The following CYFIP2 variants were observed in gnomAD, a reference collection of about 807,000 sequenced individuals.
The protein encoded by CYFIP2 is cytoplasmic FMR1 interacting protein 2, also known as cytoplasmic FMR1-interacting protein 2.
CYFIP2 carries 29 observed loss-of-function variants against 158.7 expected under a neutral mutation model. That is an observed-to-expected ratio of 0.18 (90% CI 0.14 to 0.25). CYFIP2 has a LOEUF of 0.25. CYFIP2 is among the 10% of genes least tolerant of loss of function. CYFIP2 has a pLI of 1.00. For synonymous variants in CYFIP2, 585 were observed against 617.6 expected (o/e 0.95, Z 0.78); for missense variants, 852 against 1,639.5 (o/e 0.52, Z 8.29).
intron 15 of CYFIP2, chr5:157,322,852 T>TTCTCTCTCTC (rs143886830): frequency 8.0e-6 from 10 of 1,248,738 alleles, no homozygotes; most frequent in Non-Finnish European, 1.0e-5. Context: ...CCTCTTGCTT[T>TTCTCTCTCTC]TCTCTCTCTC....
rs1399075744 is a variant in CYFIP2, at chr5:157,390,531, G to A, written c.3457G>A (p.Gly1153Ser). 1.9e-6 allele frequency: 3 copies of A among 1,549,672 alleles called. No homozygotes were observed. The highest frequency in any genetic ancestry group is 2.6e-6 in the Non-Finnish European group (3 of 1,146,728). The change falls in exon 30 of 31, where the codon GGC becomes AGC. Residue 1153 changes from glycine (G) to serine (S), a missense_variant. Gly to Ser is a moderately conservative substitution (Grantham distance 56, BLOSUM62 0). Transcript: ENST00000620254. ...TCCCCCTGCTCCCAGGCAGTGTTTC[G>A]GCGATGGCTTGAACTGGGCTGGTTG... ...TNEFTAEQCF[G>S]DGLNWAGCSI...
chr5:157,289,618 T>A (rs1489946972), intron 3 of CYFIP2, among the ~76,000 whole-genome samples: 2 of 152,132 alleles, frequency 1.3e-5, no homozygotes, highest in Non-Finnish European at 2.9e-5. Context: ...GTGTCCAGAT[T>A]TCCTCTTTTT....
chr5:157,362,715 A>G (rs1763947186), intron 26 of CYFIP2: 1 of 152,210 alleles, frequency 6.6e-6, no homozygotes, highest in South Asian at 2.1e-4. Flanking sequence ...CACCGAAATC[A>G]TGTGTCTACT....
rs1554106968 is a variant in CYFIP2, at chr5:157,286,550, A to ATGTATATG, written c.118-462_118-461insGTGTATAT. On this transcript the variant is annotated intron_variant, in intron 2 of 30. Coordinates refer to ENST00000620254, the MANE Select transcript of CYFIP2 (RefSeq NM_001037333.3). ...AGTCCATTTATGGATATGCTATTTT[A>ATGTATATG]TGTATATATATATATATATATATAT... Among the ~76,000 whole-genome samples, 212 of 109,920 alleles carry ATGTATATG rather than the reference A, an allele frequency of 1.9e-3. 2 individuals carry two copies. The highest frequency in any genetic ancestry group is 6.3e-3 in the African/African-American group (194 of 30,722). The allele number at this position is 109,920 out of a possible 152,430, so 72.1% of individuals were successfully genotyped here. A position where few individuals can be genotyped will look rare whatever the true frequency, so the allele number is the denominator to read the frequency against.
At chr5:157,302,768 T>G in intron 6 of CYFIP2, 26 bp from the exon 7 acceptor site, 1 of 1,551,496 alleles carries the variant, frequency 6.4e-7, no homozygotes, top group Non-Finnish European at 8.7e-7. Flanking sequence ...CAGTCCTCTC[T>G]GCAGCACCCA....
At chr5:157,385,293 A>G (rs1482167992) in intron 28 of CYFIP2, among the ~76,000 whole-genome samples, 1 of 152,244 alleles carries the variant, frequency 6.6e-6, no homozygotes, top group Non-Finnish European at 1.5e-5. Context: ...AACAAATAAA[A>G]GCCTAGACAT....
intron 4 of CYFIP2, chr5:157,296,375 C>T: frequency 5.1e-6 from 2 of 390,110 alleles, no homozygotes; most frequent in South Asian, 1.9e-5. Context: ...GGGAGGATTG[C>T]TTGAGCCCAG....
chr5:157,347,237 G>A (rs935953139), intron 23 of CYFIP2, among the ~76,000 whole-genome samples: 1 of 152,022 alleles, frequency 6.6e-6, no homozygotes, highest in Admixed American at 6.5e-5. Context: ...GGAGGCTGAG[G>A]TGGGAGGATC....
chr5:157,326,773 A>T (rs1330586289), intron 18 of CYFIP2, among the ~76,000 whole-genome samples: 7 of 152,106 alleles, frequency 4.6e-5, no homozygotes, highest in African/African-American at 1.7e-4. Context: ...GCCTGGAGGG[A>T]GGTCCGCTGA....
chr5:157,381,476 C>A (rs375188534), intron 26 of CYFIP2, among the ~76,000 whole-genome samples: 1 of 141,762 alleles, frequency 7.1e-6, no homozygotes, highest in Non-Finnish European at 1.5e-5. Flanking sequence ...TGCAGTGAGC[C>A]GAGATCATAC....
At chr5:157,293,445 C>T (rs1293815666) in intron 3 of CYFIP2, among the ~76,000 whole-genome samples, 2 of 152,118 alleles carry the variant, frequency 1.3e-5, no homozygotes, top group South Asian at 2.1e-4. Flanking sequence ...TTTTTTCACG[C>T]TCGTTTTTCA....
At position 157,359,101 on chromosome 5, in the gene CYFIP2, G is replaced by T; in HGVS notation, c.2770G>T (p.Gly924Cys). 1 of 1,614,000 alleles carries T rather than the reference G, an allele frequency of 6.2e-7. No individual in the cohort carries two copies. The highest frequency in any genetic ancestry group is 8.5e-7 in the Non-Finnish European group (1 of 1,179,880). Reference protein sequence around the residue: ...KTICRLLGYQGIAVVMEELLK... With the variant: ...KTICRLLGYQCIAVVMEELLK... ...TATCTGCAGACTCCTGGGTTATCAG[G>T]GCATCGCTGTGGTCATGGAGGAACT... is the stretch of plus-strand genomic sequence containing the variant. The change falls in exon 24 of 31, where the codon GGC (glycine) becomes TGC (cysteine). Residue 924 changes from glycine to cysteine, a missense_variant. By Grantham distance (159) the Gly-to-Cys change is radical. Around this residue, in one of 8 missense-constraint regions of CYFIP2, gnomAD observed 191 missense variants for 311.2 expected, o/e 0.61. Coordinates refer to ENST00000620254, the MANE Select transcript of CYFIP2 (RefSeq NM_001037333.3).
intron 5 of CYFIP2, among the ~76,000 whole-genome samples, chr5:157,300,453 T>C (rs1430940475): frequency 1.3e-5 from 2 of 151,044 alleles, no homozygotes; most frequent in African/African-American, 4.9e-5. Context: ...GAGAATTGCT[T>C]GAACCTGGGA....
intron 1 of CYFIP2, among the ~76,000 whole-genome samples, chr5:157,280,938 T>C (rs12654973): frequency 0.082 from 12,544 of 152,280 alleles, 667 homozygotes; most frequent in Middle Eastern, 0.15. Flanking sequence ...CATAAAGTTA[T>C]AATTTTATTT....
At chr5:157,275,060 A>G (rs949832431) in intron 1 of CYFIP2, among the ~76,000 whole-genome samples, 5 of 152,218 alleles carry the variant, frequency 3.3e-5, no homozygotes, top group Non-Finnish European at 7.3e-5. Context: ...GGCATGAGCC[A>G]CTGTGCCCAG....
Position 157,358,988 on chromosome 5 carries a change from C to A in CYFIP2, c.2674-17C>A. The A allele has an allele frequency of 1.2e-6, 2 of 1,613,958 alleles. No individual in the cohort carries two copies. Among genetic ancestry groups the A allele is most frequent in the Non-Finnish European group, 1.7e-6 (2 of 1,179,842 alleles). ...TCAGTACTCAGGCACTTATTTGCCA[C>A]TACCTCTGTTTTCCAGCCTCTCAAC... is the stretch of plus-strand genomic sequence containing the variant. On this transcript the variant is annotated splice_polypyrimidine_tract_variant and intron_variant, in intron 23 of 30. Coordinates refer to ENST00000620254, the MANE Select transcript of CYFIP2 (RefSeq NM_001037333.3).
At chr5:157,365,614 A>G (rs959372034) in intron 26 of CYFIP2, 1 of 152,062 alleles carries the variant, frequency 6.6e-6, no homozygotes, top group South Asian at 2.1e-4. Context: ...GCACATGTCC[A>G]TGTAGCCCAG....
At chr5:157,284,112 C>G (rs1046137696) in intron 1 of CYFIP2, among the ~76,000 whole-genome samples, 1 of 152,046 alleles carries the variant, frequency 6.6e-6, no homozygotes, top group Admixed American at 6.5e-5. Flanking sequence ...CTACTGTTAA[C>G]GTTTTATTTT....
chr5:157,328,670 G>T (rs1320186113), intron 19 of CYFIP2, among the ~76,000 whole-genome samples: 1 of 152,260 alleles, frequency 6.6e-6, no homozygotes, highest in Non-Finnish European at 1.5e-5. Flanking sequence ...TTTCTCCCGG[G>T]AGTGGAATGC....
Sources: gnomAD v4.1 joint callset for allele counts (sites outside exome capture counted in the v4.1 genomes callset) on GRCh38, gnomAD v4.1.1 for gene constraint, gnomAD v4.1.1 regional missense constraint, MANE v1.5 for transcripts, NCBI Gene and HGNC (gene_info 2026-07-23, HGNC 2026-07-21) for gene names.